Variants in MCF2L observed in about 807,000 individuals in gnomAD.
MCF2L encodes the protein MCF.2 cell line derived transforming sequence like.
Under a neutral mutation model 153.4 loss-of-function variants are expected in MCF2L, and 97 were observed. The observed-to-expected ratio is 0.63, with a 90% confidence interval of 0.54 to 0.75. The LOEUF is 0.75. Among genes scored for constraint, MCF2L ranks in the 30% least tolerant of loss-of-function variants. The pLI is 0.00. For missense variants in MCF2L, 1,347 were observed against 1,495.2 expected, an observed-to-expected ratio of 0.90 and a Z score of 1.64; for synonymous variants, 659 against 632.2, an observed-to-expected ratio of 1.04 and a Z score of -0.64.
intron 26 of MCF2L, 168 bp downstream of exon 26, chr13:113,089,896 AG>A: frequency 6.2e-7 from 1 of 1,606,236 alleles, no homozygotes; most frequent in Non-Finnish European, 8.5e-7. Flanking sequence ...CCCACAGAAG[AG>A]CCCCTCCCTC....
chr13:113,025,879 C>A (rs1279805493), intron 3 of MCF2L, among the ~76,000 whole-genome samples: 1 of 138,710 alleles, frequency 7.2e-6, no homozygotes, highest in Non-Finnish European at 1.6e-5. Context: ...TGGGTCGGGG[C>A]AGAGTCCCTG....
Position 113,035,510 on chromosome 13 carries a change from A to C in MCF2L, c.279-9761A>C, listed in dbSNP as rs533962785. ...TGCGATGTGCAGCTCTGGGTGTCTG[A>C]TCCCTCAGGGGTCCTGTCTCCCCTC... On this transcript the variant is annotated intron_variant, in intron 3 of 29. Coordinates refer to ENST00000535094, the MANE Select transcript of MCF2L (RefSeq NM_001112732.3). This position sits in a 1 kb window ranked among gnomAD's most constrained non-coding sequence, Gnocchi z 4.4. 4.3e-4 allele frequency among the ~76,000 whole-genome samples: 65 copies of C among 152,086 alleles called. 1 individual carries two copies. The highest frequency in any genetic ancestry group is 1.0e-3 in the Admixed American group (16 of 15,286).
At chr13:112,935,610 C>T (rs1228435240) in intron 2 of MCF2L, among the ~76,000 whole-genome samples, 1 of 152,124 alleles carries the variant, frequency 6.6e-6, no homozygotes, top group Non-Finnish European at 1.5e-5. Flanking sequence ...CCAACCGTAG[C>T]CTCACGTGAG....
intron 27 of MCF2L, 73 bp from the exon 28 acceptor site, chr13:113,096,298 C>G: frequency 8.2e-7 from 1 of 1,223,794 alleles, no homozygotes; most frequent in African/African-American, 1.5e-5. Flanking sequence ...GCCCGGCACT[C>G]CGCCTGGCTG....
At chr13:113,082,915 G>A (rs116768632) in intron 17 of MCF2L, among the ~76,000 whole-genome samples, 3 of 152,106 alleles carry the variant, frequency 2.0e-5, no homozygotes, top group Admixed American at 6.5e-5. Context: ...GTGTGTATTC[G>A]GCCCTTTAGG....
chr13:112,940,156 C>T (rs572578702), intron 2 of MCF2L, among the ~76,000 whole-genome samples: 1 of 152,118 alleles, frequency 6.6e-6, no homozygotes, highest in Non-Finnish European at 1.5e-5. Flanking sequence ...TTTCCTTACG[C>T]AAGAATTTCA....
At chr13:113,023,935 G>A (rs2085064465) in intron 2 of MCF2L, among the ~76,000 whole-genome samples, 2 of 152,350 alleles carry the variant, frequency 1.3e-5, no homozygotes, top group Admixed American at 6.5e-5. Flanking sequence ...TGAGAGGGCA[G>A]CTGCAGTGTT....
At position 113,053,919 on chromosome 13, in the gene MCF2L, A is replaced by G. The variant is rs566789005; in HGVS notation, c.370-6674A>G. ...AGCTGGTTAACAAGTTGACCAGAAA[A>G]ACAACCCGAATACTCCTCAACTCTT... On this transcript the variant is annotated intron_variant, in intron 4 of 29. Transcript: ENST00000535094. This position sits in a 1 kb window ranked among gnomAD's most constrained non-coding sequence, Gnocchi z 4.4. Among the ~76,000 whole-genome samples the G allele has an allele frequency of 3.3e-5, 5 of 152,186 alleles. No individual in the cohort carries two copies. Among genetic ancestry groups the G allele is most frequent in the African/African-American group, 1.2e-4 (5 of 41,518 alleles).
intron 2 of MCF2L, among the ~76,000 whole-genome samples, chr13:112,906,593 C>T (rs1030880050): frequency 4.6e-5 from 7 of 152,232 alleles, no homozygotes; most frequent in Non-Finnish European, 1.0e-4. Context: ...CCCGCTCTGC[C>T]GTGAGTGCGT....
rs572167753 is a variant in MCF2L at position 112,993,887 on chromosome 13, C to G, written c.80-20876C>G. 6.6e-6 allele frequency among the ~76,000 whole-genome samples: 1 copy of G among 150,906 alleles called. No homozygotes were observed. The highest frequency in any genetic ancestry group is 1.5e-5 in the Non-Finnish European group (1 of 67,882). On this transcript the variant is annotated intron_variant, in intron 1 of 29. Transcript: ENST00000535094. This position sits in a 1 kb window ranked among gnomAD's most constrained non-coding sequence, Gnocchi z 4.6. Reference sequence around the variant, plus strand: ...GGTAGGATTTTCCCCTCCCTTAGATCGGAAGGCGAAGAAGGTGAGATCCAC... The same window carrying G: ...GGTAGGATTTTCCCCTCCCTTAGATGGGAAGGCGAAGAAGGTGAGATCCAC...
chr13:112,988,741 G>A (rs1313981129), intron 1 of MCF2L, among the ~76,000 whole-genome samples: 11 of 139,406 alleles, frequency 7.9e-5, no homozygotes, highest in South Asian at 7.1e-4. Flanking sequence ...TACCACACCC[G>A]AGTCCTCCCT....
intron 1 of MCF2L, among the ~76,000 whole-genome samples, chr13:112,975,800 G>A (rs1260847460): frequency 6.6e-6 from 1 of 152,236 alleles, no homozygotes; most frequent in African/African-American, 2.4e-5. Flanking sequence ...TGACCTCGTT[G>A]CGGTCGCACG....
intron 12 of MCF2L, 96 bp from the exon 13 acceptor site, chr13:113,076,956 G>A (rs2033554532): frequency 1.5e-6 from 2 of 1,325,296 alleles, no homozygotes; most frequent in Non-Finnish European, 2.1e-6. Flanking sequence ...TTTAAAGCGG[G>A]GGTTGGGCGT....
intron 2 of MCF2L, among the ~76,000 whole-genome samples, chr13:112,915,695 A>G (rs2081284493): frequency 6.6e-6 from 1 of 152,218 alleles, no homozygotes; most frequent in East Asian, 1.9e-4. Flanking sequence ...AAATCTGCAG[A>G]TAATCATGGT....
intron 1 of MCF2L, among the ~76,000 whole-genome samples, chr13:113,013,126 T>C (rs2084281221): frequency 6.6e-6 from 1 of 152,166 alleles, no homozygotes; most frequent in African/African-American, 2.4e-5. Flanking sequence ...AACATCCAAC[T>C]GCGCAGTCTA....
chr13:113,052,988 CACAA>C lies in MCF2L; in HGVS notation c.370-7601_370-7598del, dbSNP rs552891441. On this transcript the variant is annotated intron_variant, in intron 4 of 29. Coordinates refer to ENST00000535094, the MANE Select transcript of MCF2L (RefSeq NM_001112732.3). ...CACAGGCACAGAGACACACATCACA[CACAA>C]ACACACACATATATGCACATATACA... Among the ~76,000 whole-genome samples the C allele has an allele frequency of 2.6e-4, 40 of 152,252 alleles. 1 individual carries two copies. The South Asian group carries it at 7.9e-3, about 30-fold the overall frequency.
intron 2 of MCF2L, among the ~76,000 whole-genome samples, chr13:112,927,707 C>T (rs2081421984): frequency 6.6e-6 from 1 of 152,142 alleles, no homozygotes; most frequent in Admixed American, 6.5e-5. Flanking sequence ...CAGAATCTGA[C>T]CAGGCACCTA....
rs1041541474 is a variant in MCF2L, at chr13:112,985,524, C to T, written c.79+16066C>T. 10 of 465,218 alleles carry T rather than the reference C, an allele frequency of 2.1e-5. No homozygotes were observed. The East Asian group carries it at 2.8e-4, about 13-fold the overall frequency. The allele number at this position is 465,218 out of a possible 1,614,324, so 28.8% of individuals were successfully genotyped here. On this transcript the variant is annotated intron_variant, in intron 1 of 29. Coordinates refer to ENST00000535094, the MANE Select transcript of MCF2L (RefSeq NM_001112732.3). ...GTGAGTCCCTCGCAGGTGGTGTGCTCGGAGCAGTCGAGGCGGCCTCTGGGT... is the reference window on the plus strand; with the variant it reads ...GTGAGTCCCTCGCAGGTGGTGTGCTTGGAGCAGTCGAGGCGGCCTCTGGGT...
chr13:113,088,483 C>T, intron 24 of MCF2L, 78 bp downstream of exon 24: 10 of 1,603,688 alleles, frequency 6.2e-6, no homozygotes, highest in Non-Finnish European at 8.5e-6. Context: ...AGCAACCGCA[C>T]AGTCCCCCCA....
Sources: gnomAD v4.1 joint callset for allele counts (sites outside exome capture counted in the v4.1 genomes callset) on GRCh38, gnomAD v4.1.1 for gene constraint, Gnocchi (gnomAD v3.1) non-coding constraint, MANE v1.5 for transcripts, NCBI Gene and HGNC (gene_info 2026-07-23, HGNC 2026-07-21) for gene names.